Variants in CNBD1 observed in about 807,000 individuals in gnomAD.
The protein encoded by CNBD1 is cyclic nucleotide binding domain containing 1.
Under a neutral mutation model 54.4 loss-of-function variants are expected in CNBD1, and 71 were observed. The ratio of observed to expected loss-of-function variants is 1.30; its 90% CI spans 1.08 to 1.59. CNBD1 has a LOEUF of 1.59. CNBD1 is among the 40% of genes most tolerant of loss of function. CNBD1 has a pLI of 0.00. For synonymous variants in CNBD1, 182 were observed against 170.7 expected (o/e 1.07, Z -0.51); for missense variants, 659 against 518.0 (o/e 1.27, Z -2.64).
intron 5 of CNBD1, among the ~76,000 whole-genome samples, chr8:87,222,887 C>T (rs988377449): frequency 2.0e-5 from 3 of 152,026 alleles, no homozygotes; most frequent in Non-Finnish European, 2.9e-5. Context: ...CACAAGTCCT[C>T]ATGAGAATGG....
chr8:87,413,200 C>T (rs1313132214), intron 2 of CNBD1, among the ~76,000 whole-genome samples: 1 of 151,990 alleles, frequency 6.6e-6, no homozygotes, highest in East Asian at 1.9e-4. Context: ...TGTGAAATTA[C>T]AGCTATCTGG....
At chr8:87,187,187 T>C (rs988198176) in intron 4 of CNBD1, among the ~76,000 whole-genome samples, 1 of 132,272 alleles carries the variant, frequency 7.6e-6, no homozygotes, top group Non-Finnish European at 1.8e-5. Context: ...TATATCTCAA[T>C]ATATATCTGC....
At chr8:87,306,149 A>C (rs1447934457) in intron 8 of CNBD1, among the ~76,000 whole-genome samples, 1 of 152,216 alleles carries the variant, frequency 6.6e-6, no homozygotes, top group Non-Finnish European at 1.5e-5. Flanking sequence ...AACATATGAA[A>C]AGATGCTCAA....
intron 8 of CNBD1, among the ~76,000 whole-genome samples, chr8:87,322,303 A>T (rs200617024): frequency 3.3e-5 from 4 of 120,540 alleles, no homozygotes; most frequent in Non-Finnish European, 5.5e-5. Flanking sequence ...ATTTATAGTC[A>T]TTTGGGTATA....
chr8:86,978,911 A>C (rs904112046), intron 4 of CNBD1, among the ~76,000 whole-genome samples: 8 of 152,122 alleles, frequency 5.3e-5, no homozygotes, highest in Non-Finnish European at 1.2e-4. Context: ...AAAAAAGTAT[A>C]ATCTATGCCA....
intron 8 of CNBD1, among the ~76,000 whole-genome samples, chr8:87,288,242 AT>A (rs1300086252): frequency 6.6e-6 from 1 of 151,496 alleles, no homozygotes; most frequent in Non-Finnish European, 1.5e-5. Flanking sequence ...TCTTATAATA[AT>A]TTTTCACCAT....
intron 4 of CNBD1, among the ~76,000 whole-genome samples, chr8:86,994,483 A>T (rs1476654864): frequency 6.6e-6 from 1 of 152,220 alleles, no homozygotes; most frequent in East Asian, 1.9e-4. Context: ...TAGGGTGCCT[A>T]TGGGCACAAA....
intron 3 of CNBD1, among the ~76,000 whole-genome samples, chr8:86,925,482 A>AGTGTGTGTGTGTGT (rs71275894): frequency 1.6e-4 from 23 of 141,818 alleles, no homozygotes; most frequent in African/African-American, 4.3e-4. Flanking sequence ...CTTACCAAAA[A>AGTGTGTGTGTGTGT]GTGTGTGTGT....
intron 10 of CNBD1, among the ~76,000 whole-genome samples, chr8:87,371,968 G>T (rs932629650): frequency 6.6e-6 from 1 of 151,864 alleles, no homozygotes; most frequent in Non-Finnish European, 1.5e-5. Flanking sequence ...ATTCAACATA[G>T]TGTTGGAAGT....
At chr8:87,374,955 G>A (rs4344102) in intron 10 of CNBD1, among the ~76,000 whole-genome samples, 56,256 of 151,648 alleles carry the variant, frequency 0.37, 10,765 homozygotes, top group Middle Eastern at 0.45. Context: ...AAAAATGCAA[G>A]GTTTTCTGAG....
intron 5 of CNBD1, among the ~76,000 whole-genome samples, chr8:87,227,467 C>G (rs1156492956): frequency 6.8e-6 from 1 of 147,982 alleles, no homozygotes; most frequent in Non-Finnish European, 1.5e-5. Context: ...ATTTGCTTGT[C>G]TGTAAAGTAT....
At chr8:87,019,410 C>T (rs1428107881) in intron 4 of CNBD1, among the ~76,000 whole-genome samples, 2 of 152,126 alleles carry the variant, frequency 1.3e-5, no homozygotes, top group Admixed American at 6.6e-5. Flanking sequence ...GTAACAAAAC[C>T]TTTTCTCTCC....
intron 4 of CNBD1, among the ~76,000 whole-genome samples, chr8:87,200,477 G>A (rs1470181197): frequency 6.6e-6 from 1 of 151,876 alleles, no homozygotes; most frequent in Admixed American, 6.6e-5. Flanking sequence ...AAAACAATTA[G>A]TTCTTTAAAA....
chr8:86,914,613 T>A (rs1809154080), intron 3 of CNBD1, among the ~76,000 whole-genome samples: 1 of 152,170 alleles, frequency 6.6e-6, no homozygotes, highest in African/African-American at 2.4e-5. Context: ...GTTGGTTAAT[T>A]TTGAAGAAAA....
chr8:87,387,226 T>C (rs1811207937), downstream of CNBD1, among the ~76,000 whole-genome samples: 1 of 152,094 alleles, frequency 6.6e-6, no homozygotes, highest in Non-Finnish European at 1.5e-5. Context: ...GCTAACATCG[T>C]AATGACAGGA....
chr8:87,016,467 A>C (rs1342177477), intron 4 of CNBD1, among the ~76,000 whole-genome samples: 2 of 151,528 alleles, frequency 1.3e-5, no homozygotes. Flanking sequence ...AAAAAAAAAA[A>C]AACTATCTAG....
chr8:87,004,681 T>C (rs1314269668), intron 4 of CNBD1, among the ~76,000 whole-genome samples: 1 of 152,072 alleles, frequency 6.6e-6, no homozygotes. Flanking sequence ...ATAGATACGC[T>C]ATCTAGGAGT....
At chr8:87,099,056 A>AC (rs1306807264) in intron 4 of CNBD1, among the ~76,000 whole-genome samples, 4 of 147,376 alleles carry the variant, frequency 2.7e-5, no homozygotes, top group Admixed American at 1.3e-4. Context: ...AAAAAAAAAA[A>AC]AAAACAAAAC....
At position 87,098,902 on chromosome 8, in the gene CNBD1, T is replaced by G. The variant is rs1166603904; in HGVS notation, c.432-107091T>G. Among the ~76,000 whole-genome samples the G allele has an allele frequency of 4.6e-5, 7 of 151,116 alleles. No individual in the cohort carries two copies. In the East Asian group the frequency reaches 1.4e-3, roughly 29 times the overall value. On this transcript the variant is annotated intron_variant, in intron 4 of 10. Transcript: ENST00000518476. ...ATACAAAAAAATTAGCCAGGCGTGG[T>G]GGCACACGCCTGTAATCCCAGCTAC...
Sources: gnomAD v4.1 joint callset for allele counts (sites outside exome capture counted in the v4.1 genomes callset) on GRCh38, gnomAD v4.1.1 for gene constraint, MANE v1.5 for transcripts, NCBI Gene and HGNC (gene_info 2026-07-23, HGNC 2026-07-21) for gene names.